The following DNAH5 variants were observed in gnomAD, a reference collection of about 807,000 sequenced individuals.
DNAH5 encodes the protein dynein axonemal heavy chain 5, also known as axonemal beta dynein heavy chain 5.
Under a neutral mutation model 518.2 loss-of-function variants are expected in DNAH5, and 372 were observed. The ratio of observed to expected loss-of-function variants is 0.72; its 90% confidence interval spans 0.66 to 0.78. The LOEUF is 0.78. DNAH5 is among the 30% of genes least tolerant of loss of function. The pLI is 0.00. For missense variants in DNAH5, 5,523 were observed against 5,687.0 expected (o/e 0.97, Z 0.93); for synonymous variants, 2,039 against 2,025.9 (o/e 1.01, Z -0.17).
At chr5:13,867,738 C>T in intron 25 of DNAH5, 36 bp downstream of exon 25, 3 of 1,509,738 alleles carry the variant, frequency 2.0e-6, no homozygotes, top group South Asian at 1.1e-5. Flanking sequence ...ATTCACTCAT[C>T]CCCGAAAACG....
intron 15 of DNAH5, among the ~76,000 whole-genome samples, chr5:13,895,301 C>A: frequency 6.6e-6 from 1 of 152,062 alleles, no homozygotes; most frequent in East Asian, 1.9e-4. Context: ...TCCATAATTA[C>A]AAATTCCTAA....
chr5:13,873,362 A>G (rs574150609), intron 22 of DNAH5, among the ~76,000 whole-genome samples: 1 of 152,086 alleles, frequency 6.6e-6, no homozygotes, highest in African/African-American at 2.4e-5. Flanking sequence ...TATGATTATT[A>G]TTGTTTTATT....
intron 1 of DNAH5, among the ~76,000 whole-genome samples, chr5:13,944,143 A>G (rs907501661): frequency 1.3e-5 from 2 of 152,224 alleles, no homozygotes; most frequent in Non-Finnish European, 2.9e-5. Flanking sequence ...ATGCAGCATG[A>G]ATTTCTAGGT....
intron 31 of DNAH5, among the ~76,000 whole-genome samples, chr5:13,847,607 C>T (rs1766193518): frequency 6.6e-6 from 1 of 151,828 alleles, no homozygotes; most frequent in African/African-American, 2.4e-5. Context: ...CCCTGTATTC[C>T]CAGCTACTCA....
At chr5:13,806,063 G>T (rs1217254143) in intron 47 of DNAH5, among the ~76,000 whole-genome samples, 1 of 152,054 alleles carries the variant, frequency 6.6e-6, no homozygotes. Context: ...ATCACACTCT[G>T]ATCTGATTTT....
At chr5:13,833,696 A>C (rs1217038785) in intron 35 of DNAH5, among the ~76,000 whole-genome samples, 1 of 152,138 alleles carries the variant, frequency 6.6e-6, no homozygotes, top group African/African-American at 2.4e-5. Context: ...ATGTCAGAGA[A>C]AGGTACAAGT....
At chr5:13,969,704 C>G (rs956501808) in intron 1 of DNAH5, among the ~76,000 whole-genome samples, 2 of 152,064 alleles carry the variant, frequency 1.3e-5, no homozygotes, top group Admixed American at 1.3e-4. Context: ...TTAAATTTAT[C>G]AAGACTTGTT....
intron 1 of DNAH5, among the ~76,000 whole-genome samples, chr5:13,997,367 G>A (rs1784043157): frequency 6.6e-6 from 1 of 152,104 alleles, no homozygotes; most frequent in African/African-American, 2.4e-5. Context: ...AAACAATTCA[G>A]CCAAATTCTT....
chr5:13,931,055 A>G (rs1726397210), intron 2 of DNAH5, 55 bp downstream of exon 2: 1 of 1,613,266 alleles, frequency 6.2e-7, no homozygotes, highest in African/African-American at 1.3e-5. Context: ...GACTGTGTCA[A>G]CAGACCATCT....
At chr5:13,947,224 T>C (rs1469777301), upstream of DNAH5, among the ~76,000 whole-genome samples, 1 of 152,220 alleles carries the variant, frequency 6.6e-6, no homozygotes, top group Non-Finnish European at 1.5e-5. Context: ...ATGTTCTGAA[T>C]TGTTACCTTT....
intron 70 of DNAH5, among the ~76,000 whole-genome samples, chr5:13,726,150 T>G (rs1438710652): frequency 6.6e-6 from 1 of 152,222 alleles, no homozygotes; most frequent in Non-Finnish European, 1.5e-5. Flanking sequence ...CTAATATGCT[T>G]CCCAGAAAGT....
intron 72 of DNAH5, 29 bp from the exon 73 acceptor site, chr5:13,717,549 A>G: frequency 1.3e-6 from 2 of 1,551,202 alleles, no homozygotes; most frequent in Non-Finnish European, 1.8e-6. Context: ...TGAAAAATGT[A>G]TCATCTCTCA....
At chr5:13,806,286 C>T (rs1759571203) in intron 47 of DNAH5, among the ~76,000 whole-genome samples, 1 of 152,058 alleles carries the variant, frequency 6.6e-6, no homozygotes, top group Non-Finnish European at 1.5e-5. Flanking sequence ...GTTGACCATC[C>T]ATCCAGATCT....
intron 42 of DNAH5, among the ~76,000 whole-genome samples, chr5:13,815,822 G>A (rs979019040): frequency 2.6e-5 from 4 of 152,156 alleles, no homozygotes; most frequent in African/African-American, 9.7e-5. Flanking sequence ...CAGGAGAGAG[G>A]TCAGGGCTGG....
chr5:13,703,041 A>C, intron 76 of DNAH5, among the ~76,000 whole-genome samples: 1 of 151,310 alleles, frequency 6.6e-6, no homozygotes, highest in African/African-American at 2.4e-5. Context: ...AAGCCTTTCC[A>C]CTCTACCTTC....
At chr5:13,765,111 T>C (rs1053418141) in intron 59 of DNAH5, among the ~76,000 whole-genome samples, 1 of 152,148 alleles carries the variant, frequency 6.6e-6, no homozygotes, top group African/African-American at 2.4e-5. Context: ...ATGCACCTCT[T>C]CTCAACTCTA....
chr5:13,973,377 G>C (rs932799639), intron 1 of DNAH5, among the ~76,000 whole-genome samples: 6 of 152,216 alleles, frequency 3.9e-5, no homozygotes, highest in Admixed American at 2.0e-4. Flanking sequence ...AGGTCACCAA[G>C]TTTCTTACAG....
chr5:13,747,372 A>C (rs1318619934), intron 65 of DNAH5, among the ~76,000 whole-genome samples: 1 of 152,232 alleles, frequency 6.6e-6, no homozygotes, highest in Non-Finnish European at 1.5e-5. Context: ...TCTTTATAGC[A>C]GCATGATTTA....
intron 1 of DNAH5, among the ~76,000 whole-genome samples, chr5:13,979,236 C>A (rs924405752): frequency 6.6e-6 from 1 of 152,146 alleles, no homozygotes; most frequent in Admixed American, 6.6e-5. Context: ...TCAAACATCA[C>A]CTTCATCATG....
Sources: gnomAD v4.1 joint callset for allele counts (sites outside exome capture counted in the v4.1 genomes callset) on GRCh38, gnomAD v4.1.1 for gene constraint, MANE v1.5 for transcripts, NCBI Gene and HGNC (gene_info 2026-07-23, HGNC 2026-07-21) for gene names.